The following FER variants were observed in gnomAD, a reference collection of about 807,000 sequenced individuals.
FER encodes the protein FER tyrosine kinase.
Under a neutral mutation model 111.0 loss-of-function variants are expected in FER, and 63 were observed. The observed-to-expected ratio is 0.57, with a 90% CI of 0.46 to 0.70. The LOEUF (loss-of-function observed/expected upper bound fraction) is 0.70. Ranked by LOEUF, FER falls within the 30% of genes least tolerant of loss-of-function variation. The probability of loss-of-function intolerance (pLI) is 0.00; values close to 1 mark genes in which losing one functional copy is unlikely to be tolerated. For missense variants in FER, 914 were observed against 954.0 expected, an observed-to-expected ratio of 0.96 and a Z score of 0.55; for synonymous variants, 327 against 313.9, an observed-to-expected ratio of 1.04 and a Z score of -0.44.
At chr5:109,108,287 T>C (rs1410981452) in intron 17 of FER, among the ~76,000 whole-genome samples, 2 of 152,188 alleles carry the variant, frequency 1.3e-5, no homozygotes, top group Non-Finnish European at 2.9e-5. Context: ...TCAGGCCTAT[T>C]CTGAGCTGAT....
intron 5 of FER, among the ~76,000 whole-genome samples, chr5:108,855,321 A>C (rs1348894902): frequency 6.6e-6 from 1 of 152,124 alleles, no homozygotes; most frequent in Non-Finnish European, 1.5e-5. Flanking sequence ...AAGTCAGCGA[A>C]ATAAAGAGTT....
intron 16 of FER, among the ~76,000 whole-genome samples, chr5:109,094,461 A>T (rs115352635): frequency 1.3e-5 from 2 of 152,138 alleles, no homozygotes; most frequent in African/African-American, 4.8e-5. Context: ...TGCTCGACCA[A>T]TCTGTAATGC....
chr5:108,808,821 G>A (rs6874968), intron 3 of FER, among the ~76,000 whole-genome samples: 34,862 of 151,948 alleles, frequency 0.23, 4,195 homozygotes, highest in African/African-American at 0.28. Flanking sequence ...TCCGGAAAAT[G>A]TTTTATTCCT....
intron 2 of FER, among the ~76,000 whole-genome samples, chr5:108,771,443 T>A (rs1043239871): frequency 6.6e-6 from 1 of 152,184 alleles, no homozygotes; most frequent in Non-Finnish European, 1.5e-5. Context: ...GAAAAATGCC[T>A]TGGAGATTAT....
intron 16 of FER, among the ~76,000 whole-genome samples, chr5:109,085,183 C>G (rs1325683213): frequency 6.6e-6 from 1 of 151,716 alleles, no homozygotes; most frequent in Non-Finnish European, 1.5e-5. Context: ...CAATATTAAG[C>G]CTTCCAATTT....
chr5:109,044,788 GAAGCC>G lies in FER; in HGVS notation c.1826_1829+1del, dbSNP rs1437731149. 2.1e-6 allele frequency: 3 copies of G among 1,456,732 alleles called. No individual in the cohort carries two copies. In the African/African-American group the frequency reaches 4.3e-5, roughly 21 times the overall value. 90.2% of individuals were successfully genotyped at this position (1,456,732 alleles called of 1,614,324 possible). The stretch of plus-strand genomic sequence containing the variant: ...GGAATTGAAAATAAAATTTTTACAA[GAAGCC>G]AAGTGAGTTATTTAAAGTAATCAAA... On this transcript the variant is annotated frameshift_variant and splice_region_variant, in exon 15 of 20. Transcript: ENST00000281092. LOFTEE classifies it high-confidence loss of function.
chr5:109,144,142 A>C (rs950995520), intron 17 of FER, among the ~76,000 whole-genome samples: 3 of 152,196 alleles, frequency 2.0e-5, no homozygotes, highest in Admixed American at 2.0e-4. Flanking sequence ...GAAGGTAGAG[A>C]GCTCTCTGGA....
At chr5:109,002,851 A>T (rs1450061410) in intron 13 of FER, among the ~76,000 whole-genome samples, 14 of 152,256 alleles carry the variant, frequency 9.2e-5, no homozygotes, top group Non-Finnish European at 1.5e-4. Context: ...GTATCCAAAA[A>T]ATACATGAAA....
intron 13 of FER, among the ~76,000 whole-genome samples, chr5:109,013,164 G>C (rs1766535501): frequency 6.6e-6 from 1 of 150,682 alleles, no homozygotes; most frequent in Non-Finnish European, 1.5e-5. Flanking sequence ...GTGCCATGCT[G>C]GTGTGCTGAA....
intron 13 of FER, among the ~76,000 whole-genome samples, chr5:108,999,339 A>G (rs944050117): frequency 6.6e-6 from 1 of 152,134 alleles, no homozygotes; most frequent in Non-Finnish European, 1.5e-5. Flanking sequence ...AATTATATTC[A>G]CCTGTATGGA....
chr5:109,064,912 A>G (rs1052029071), intron 16 of FER, among the ~76,000 whole-genome samples: 2 of 152,294 alleles, frequency 1.3e-5, no homozygotes, highest in East Asian at 1.9e-4. Context: ...TTTTGTTACT[A>G]TACATGGAAA....
chr5:109,053,452 T>C (rs1361525622), intron 16 of FER, among the ~76,000 whole-genome samples: 1 of 150,118 alleles, frequency 6.7e-6, no homozygotes, highest in Non-Finnish European at 1.5e-5. Context: ...TTTGAACAAA[T>C]CTGTAGCACC....
At chr5:108,856,835 A>G (rs1408741367) in intron 5 of FER, among the ~76,000 whole-genome samples, 1 of 152,082 alleles carries the variant, frequency 6.6e-6, no homozygotes, top group African/African-American at 2.4e-5. Flanking sequence ...TAGGAGACAT[A>G]CAAATTAAAA....
At chr5:108,921,946 A>AGTAGTTGTAAACTAGTTAATATGTAAAC (rs1447335131) in intron 10 of FER, among the ~76,000 whole-genome samples, 1 of 152,212 alleles carries the variant, frequency 6.6e-6, no homozygotes, top group African/African-American at 2.4e-5. Flanking sequence ...TACTTTGGAA[A>AGTAGTTGTAAACTAGTTAATATGTAAAC]TAGGGTCTGT....
intron 16 of FER, among the ~76,000 whole-genome samples, chr5:109,062,536 A>C (rs1262649125): frequency 6.6e-6 from 1 of 151,468 alleles, no homozygotes; most frequent in Non-Finnish European, 1.5e-5. Context: ...AAAAGAAAAA[A>C]AAATATATAT....
At chr5:108,853,624 G>A (rs541612942) in intron 5 of FER, among the ~76,000 whole-genome samples, 28 of 152,210 alleles carry the variant, frequency 1.8e-4, no homozygotes, top group South Asian at 6.2e-4. Context: ...TATCATTTCC[G>A]GCATATTTGA....
At chr5:108,979,716 T>C (rs1761807927) in intron 13 of FER, among the ~76,000 whole-genome samples, 2 of 147,356 alleles carry the variant, frequency 1.4e-5, no homozygotes, top group Non-Finnish European at 3.0e-5. Flanking sequence ...TTTTTCTATG[T>C]TGACTAAGGG....
chr5:108,904,655 C>G (rs538766374), intron 10 of FER, among the ~76,000 whole-genome samples: 1 of 152,234 alleles, frequency 6.6e-6, no homozygotes, highest in Non-Finnish European at 1.5e-5. Flanking sequence ...GTTGTAAATA[C>G]ATCTTCAGTG....
chr5:108,760,846 CT>C (rs373620940), intron 1 of FER, among the ~76,000 whole-genome samples: 31 of 152,214 alleles, frequency 2.0e-4, no homozygotes, highest in African/African-American at 6.5e-4. Context: ...TGGAGGAGCA[CT>C]TTTAATTTTC....
Sources: allele counts gnomAD v4.1 joint callset (sites outside exome capture counted in the v4.1 genomes callset), GRCh38; gene constraint gnomAD v4.1.1; transcripts MANE v1.5; gene names NCBI Gene and HGNC (gene_info 2026-07-23, HGNC 2026-07-21).